The following MROH7 variants were observed in gnomAD, a reference collection of about 807,000 sequenced individuals.
MROH7 encodes the protein maestro heat-like repeat-containing protein family member 7.
MROH7 carries 113 observed loss-of-function variants against 129.2 expected under a neutral mutation model. The observed-to-expected ratio is 0.87, with a 90% CI of 0.75 to 1.02. MROH7 has a LOEUF of 1.02. Ranked by LOEUF, MROH7 falls within the 50% of genes least tolerant of loss-of-function variation. The pLI is 0.00. For synonymous variants in MROH7, 655 were observed against 667.9 expected, an observed-to-expected ratio of 0.98 and a Z score of 0.30; for missense variants, 1,601 against 1,671.3, an observed-to-expected ratio of 0.96 and a Z score of 0.73.
intron 1 of MROH7, among the ~76,000 whole-genome samples, chr1:54,647,818 T>C (rs61768764): frequency 0.18 from 26,843 of 147,414 alleles, 2,656 homozygotes; most frequent in Non-Finnish European, 0.24. Context: ...AGCAGGAGAA[T>C]CGCTTGAACC....
At chr1:54,669,046 C>T (rs535601990) in intron 5 of MROH7, 109 bp downstream of exon 5, 43 of 755,248 alleles carry the variant, frequency 5.7e-5, no homozygotes, top group East Asian at 4.5e-4. Flanking sequence ...AGGAAGAGGA[C>T]GGGATGAGGA....
intron 11 of MROH7, 67 bp downstream of exon 11, chr1:54,678,921 C>A: frequency 7.9e-7 from 1 of 1,269,320 alleles, no homozygotes; most frequent in Non-Finnish European, 1.1e-6. Context: ...CACCTGGCCC[C>A]AAAGCTTTCT....
chr1:54,666,477 C>T (rs760494853), intron 4 of MROH7, among the ~76,000 whole-genome samples: 45 of 131,090 alleles, frequency 3.4e-4, no homozygotes, highest in Non-Finnish European at 5.2e-4. Context: ...CTCTGTCACT[C>T]GGGCTGGAGT....
At chr1:54,690,873 GT>G (rs1202540367) in intron 15 of MROH7, among the ~76,000 whole-genome samples, 1 of 152,166 alleles carries the variant, frequency 6.6e-6, no homozygotes, top group Non-Finnish European at 1.5e-5. Context: ...AGCTCAATCT[GT>G]GCCCAAGCCA....
At chr1:54,676,987 A>C (rs920906706) in intron 10 of MROH7, among the ~76,000 whole-genome samples, 1 of 151,836 alleles carries the variant, frequency 6.6e-6, no homozygotes, top group Admixed American at 6.6e-5. Context: ...GATTACAGGC[A>C]TGAGCCACTG....
chr1:54,691,151 C>G (rs888566638), intron 15 of MROH7, among the ~76,000 whole-genome samples: 2 of 152,200 alleles, frequency 1.3e-5, no homozygotes, highest in African/African-American at 4.8e-5. Flanking sequence ...CTTTCTCCCT[C>G]CCTTTTGTTT....
Position 54,704,341 on chromosome 1 carries a change from GT to G in MROH7, c.3564+1598del, listed in dbSNP as rs1015722179. Reference sequence around the variant, plus strand: ...GAGCACCCTGGAGAGCCCAGACCCCGTTGAAGGTAGGGGTGAAGAGCTCAAG... The same window carrying G: ...GAGCACCCTGGAGAGCCCAGACCCCGTGAAGGTAGGGGTGAAGAGCTCAAG... On this transcript the variant is annotated intron_variant, in intron 21 of 23. Transcript: ENST00000421030. Among the ~76,000 whole-genome samples, 78 of 152,030 alleles carry G rather than the reference GT, an allele frequency of 5.1e-4. 1 individual carries two copies. Among genetic ancestry groups the G allele is most frequent in the African/African-American group, 1.9e-3 (78 of 41,454 alleles).
intron 3 of MROH7, among the ~76,000 whole-genome samples, chr1:54,664,333 A>G (rs1390043552): frequency 6.6e-6 from 1 of 152,240 alleles, no homozygotes; most frequent in Non-Finnish European, 1.5e-5. Context: ...CTGAAAGAAG[A>G]GATTCGGACA....
intron 4 of MROH7, among the ~76,000 whole-genome samples, chr1:54,667,617 G>A (rs1036417228): frequency 7.9e-5 from 12 of 151,872 alleles, no homozygotes; most frequent in East Asian, 3.9e-4. Flanking sequence ...CACCATGCCC[G>A]GCTAATTTTT....
At position 54,688,078 on chromosome 1, in the gene MROH7, G is replaced by T. The variant is rs139503036; in HGVS notation, c.2711+1630G>T. On this transcript the variant is annotated intron_variant, in intron 15 of 23. Transcript: ENST00000421030. Reference sequence around the variant, plus strand: ...CTACTAAAAATACAAAAATTAGCCAGATGTGGTGGTGGGTGCCTATAATCC... The same window carrying T: ...CTACTAAAAATACAAAAATTAGCCATATGTGGTGGTGGGTGCCTATAATCC... Among the ~76,000 whole-genome samples the T allele has an allele frequency of 8.6e-3, 1,309 of 151,736 alleles. 47 individuals are homozygous for T. Among genetic ancestry groups the T allele is most frequent in the Admixed American group, 0.069 (1,057 of 15,240 alleles).
intron 16 of MROH7, 102 bp from the exon 17 acceptor site, chr1:54,695,274 A>AT: frequency 1.5e-6 from 1 of 658,982 alleles, no homozygotes; most frequent in Non-Finnish European, 2.7e-6. Context: ...AATCCAGGTG[A>AT]TCCTGGCTTA....
intron 17 of MROH7, 143 bp from the exon 18 acceptor site, chr1:54,700,178 T>G: frequency 9.4e-7 from 1 of 1,061,202 alleles, no homozygotes; most frequent in South Asian, 1.3e-5. Context: ...AGACGGAGAC[T>G]TCCAGCAATC....
chr1:54,692,344 C>T lies in MROH7; in HGVS notation c.2712-80C>T. 1.9e-6 allele frequency: 3 copies of T among 1,562,334 alleles called. No homozygotes were observed. In the South Asian group the frequency reaches 3.6e-5, roughly 19 times the overall value. ...AAGAGAAGTTTGTCGGGCCAGATGGCAGGAGAGGCCGGGGTGGAGGGAGGC... is the reference window on the plus strand; with the variant it reads ...AAGAGAAGTTTGTCGGGCCAGATGGTAGGAGAGGCCGGGGTGGAGGGAGGC... On this transcript the variant is annotated intron_variant, in intron 15 of 23. Coordinates refer to ENST00000421030, the MANE Select transcript of MROH7 (RefSeq NM_001039464.4).
At chr1:54,670,687 C>T (rs1331739690) in intron 6 of MROH7, 111 bp downstream of exon 6, 39 of 1,412,682 alleles carry the variant, frequency 2.8e-5, no homozygotes, top group South Asian at 9.5e-5. Context: ...ACCCCTCGCC[C>T]GGTGCCTTTT....
At chr1:54,645,975 G>A (rs1644460487) in intron 1 of MROH7, among the ~76,000 whole-genome samples, 1 of 152,190 alleles carries the variant, frequency 6.6e-6, no homozygotes, top group Non-Finnish European at 1.5e-5. Context: ...AAGTAGAGAA[G>A]TTCTTGGCAC....
At chr1:54,661,522 T>C (rs1017269836) in intron 3 of MROH7, among the ~76,000 whole-genome samples, 4 of 152,144 alleles carry the variant, frequency 2.6e-5, no homozygotes, top group Non-Finnish European at 5.9e-5. Context: ...CTGTTCACTT[T>C]TATAATCTGT....
chr1:54,675,567 G>A (rs1183781551), intron 10 of MROH7, among the ~76,000 whole-genome samples: 1 of 150,936 alleles, frequency 6.6e-6, no homozygotes. Flanking sequence ...AGGAGTAGGA[G>A]CCTCTGTGAG....
At chr1:54,646,822 T>C (rs1644474341) in intron 1 of MROH7, among the ~76,000 whole-genome samples, 1 of 152,242 alleles carries the variant, frequency 6.6e-6, no homozygotes, top group South Asian at 2.1e-4. Context: ...GCAACCTCTC[T>C]CTGTCCTGCT....
In MROH7 at chr1:54,700,026, G is replaced by T. The variant is rs112356895; in HGVS notation, c.2965-295G>T. ...TTGGTTGGAAGCTGGCTGGCTGGTG[G>T]TGAGGGTGTGGGCTGGAGGGTGGGC... On this transcript the variant is annotated intron_variant, in intron 17 of 23. Transcript: ENST00000421030. 75 of 639,888 alleles carry T rather than the reference G, an allele frequency of 1.2e-4. 1 individual carries two copies. Among genetic ancestry groups the T allele is most frequent in the African/African-American group, 1.0e-3 (57 of 55,010 alleles). 39.6% of individuals were successfully genotyped at this position (639,888 alleles called of 1,614,324 possible).
Sources: gnomAD v4.1 joint callset for allele counts (sites outside exome capture counted in the v4.1 genomes callset) on GRCh38, gnomAD v4.1.1 for gene constraint, MANE v1.5 for transcripts, NCBI Gene and HGNC (gene_info 2026-07-23, HGNC 2026-07-21) for gene names.